The following ZNF536 variants were observed in gnomAD, a reference collection of about 807,000 sequenced individuals.
ZNF536 encodes the protein zinc finger protein 536.
ZNF536 carries 13 observed loss-of-function variants against 84.5 expected under a neutral mutation model. The ratio of observed to expected loss-of-function variants is 0.15; its 90% CI spans 0.10 to 0.24. The LOEUF (loss-of-function observed/expected upper bound fraction) is 0.24. ZNF536 is among the 10% of genes least tolerant of loss of function. The probability of loss-of-function intolerance (pLI) is 1.00; values close to 1 mark genes in which losing one functional copy is unlikely to be tolerated. For synonymous variants in ZNF536, 811 were observed against 742.5 expected (o/e 1.09, Z -1.50); for missense variants, 1,536 against 1,747.5 (o/e 0.88, Z 2.16).
At chr19:30,380,859 T>G (rs2048995459) in intron 1 of ZNF536, among the ~76,000 whole-genome samples, 1 of 152,154 alleles carries the variant, frequency 6.6e-6, no homozygotes. Flanking sequence ...TTATCTAAAT[T>G]TATATATTGT....
At chr19:30,352,178 TTAGCTTCTTG>T (rs1207310778) in intron 2 of ZNF536, among the ~76,000 whole-genome samples, 1 of 152,198 alleles carries the variant, frequency 6.6e-6, no homozygotes, top group Non-Finnish European at 1.5e-5. Flanking sequence ...TAGGCAGTAT[TTAGCTTCTTG>T]TCTACAGCAC....
chr19:30,574,340 A>G (rs745353740), intron 1 of ZNF536, among the ~76,000 whole-genome samples: 4 of 152,230 alleles, frequency 2.6e-5, no homozygotes, highest in African/African-American at 7.2e-5. Flanking sequence ...AAAAGAAGCC[A>G]GGATCCCAGG....
chr19:30,255,818 G>T (rs181572578), intron 1 of ZNF536, among the ~76,000 whole-genome samples: 3 of 152,348 alleles, frequency 2.0e-5, no homozygotes, highest in East Asian at 1.9e-4. Context: ...CGTCATGGGA[G>T]AATATGTGCG....
At chr19:30,422,958 C>T (rs868446381) in intron 1 of ZNF536, among the ~76,000 whole-genome samples, 19 of 136,598 alleles carry the variant, frequency 1.4e-4, no homozygotes, top group African/African-American at 3.0e-4. Context: ...ACTCTCCATC[C>T]GTTCAACCAT....
At chr19:30,254,897 TAA>T (rs1268763889) in intron 1 of ZNF536, among the ~76,000 whole-genome samples, 1 of 152,192 alleles carries the variant, frequency 6.6e-6, no homozygotes, top group South Asian at 2.1e-4. Context: ...GCACTGGACT[TAA>T]AAGTCTTTAA....
At chr19:30,528,118 C>A (rs1463672300) in intron 2 of ZNF536, among the ~76,000 whole-genome samples, 6 of 152,240 alleles carry the variant, frequency 3.9e-5, no homozygotes, top group Non-Finnish European at 5.9e-5. Flanking sequence ...GCATTTGATG[C>A]CATAAACGTA....
At chr19:30,688,030 AAAAG>A (rs1292956046) in intron 1 of ZNF536, among the ~76,000 whole-genome samples, 11 of 145,622 alleles carry the variant, frequency 7.6e-5, no homozygotes, top group African/African-American at 2.1e-4. Context: ...AAAAAAAAAA[AAAAG>A]GGCAGGCAGC....
intron 2 of ZNF536, among the ~76,000 whole-genome samples, chr19:30,309,168 C>T (rs533536974): frequency 5.3e-5 from 8 of 152,268 alleles, no homozygotes; most frequent in African/African-American, 1.9e-4. Context: ...GGTCGCCAAG[C>T]GAATGAAATG....
chr19:30,367,323 A>G (rs891664247), intron 3 of ZNF536, among the ~76,000 whole-genome samples: 1 of 152,212 alleles, frequency 6.6e-6, no homozygotes, highest in African/African-American at 2.4e-5. Context: ...TACTTCCTGA[A>G]TGAAGTGTCT....
At chr19:30,461,806 T>G (rs1653687251) in intron 2 of ZNF536, among the ~76,000 whole-genome samples, 1 of 152,094 alleles carries the variant, frequency 6.6e-6, no homozygotes, top group Admixed American at 6.5e-5. Flanking sequence ...CAGCTCCGTG[T>G]GGGGAGATGG....
intron 2 of ZNF536, among the ~76,000 whole-genome samples, chr19:30,324,983 C>T (rs1425778877): frequency 6.6e-6 from 1 of 152,178 alleles, no homozygotes; most frequent in Non-Finnish European, 1.5e-5. Context: ...GAAGAAAGCA[C>T]CCTCACCCAA....
chr19:30,535,137 T>A, intron 3 of ZNF536, 138 bp downstream of exon 3: 1 of 980,646 alleles, frequency 1.0e-6, no homozygotes, highest in Non-Finnish European at 1.5e-6. Context: ...TAGCCACCAT[T>A]GTATGGCTCA....
intron 1 of ZNF536, among the ~76,000 whole-genome samples, chr19:30,582,375 C>CTTTTTTTTTT (rs35509271): frequency 6.7e-5 from 6 of 89,172 alleles, no homozygotes; most frequent in Non-Finnish European, 1.1e-4. Context: ...CCTAGTTTCT[C>CTTTTTTTTTT]TTTTTTTTTT....
intron 2 of ZNF536, among the ~76,000 whole-genome samples, chr19:30,324,051 T>G (rs918962869): frequency 1.3e-4 from 19 of 151,562 alleles, no homozygotes; most frequent in Non-Finnish European, 2.2e-4. Flanking sequence ...CATCCATCTA[T>G]CCATGTATCT....
intron 1 of ZNF536, among the ~76,000 whole-genome samples, chr19:30,423,121 G>GCTTC (rs2051050144): frequency 4.0e-5 from 1 of 25,230 alleles, no homozygotes; most frequent in Non-Finnish European, 9.4e-5. Flanking sequence ...ATCCATCCAT[G>GCTTC]CATCCATCCA....
intron 1 of ZNF536, among the ~76,000 whole-genome samples, chr19:30,663,682 A>C (rs1219291239): frequency 3.3e-5 from 5 of 152,202 alleles, no homozygotes; most frequent in Admixed American, 3.3e-4. Flanking sequence ...AATTAACATG[A>C]CAGTTAAGAA....
chr19:30,583,793 G>T (rs57943660), intron 1 of ZNF536, among the ~76,000 whole-genome samples: 3,714 of 152,272 alleles, frequency 0.024, 165 homozygotes, highest in African/African-American at 0.085. Flanking sequence ...ATAACAGACA[G>T]ATGGATGAAT....
At chr19:30,662,935 C>CTCTT (rs141374759) in intron 1 of ZNF536, among the ~76,000 whole-genome samples, 1 of 138,494 alleles carries the variant, frequency 7.2e-6, no homozygotes, top group Non-Finnish European at 1.6e-5. Flanking sequence ...TTCTCTTTCT[C>CTCTT]TCTTTCTTTC....
At chr19:30,440,296 A>G (rs1020696046) in intron 1 of ZNF536, among the ~76,000 whole-genome samples, 2 of 151,456 alleles carry the variant, frequency 1.3e-5, no homozygotes, top group African/African-American at 4.9e-5. Context: ...CTGAACCTTC[A>G]GCTTCTCAGT....
Sources: allele counts gnomAD v4.1 joint callset (sites outside exome capture counted in the v4.1 genomes callset), GRCh38; gene constraint gnomAD v4.1.1; transcripts MANE v1.5; gene names NCBI Gene and HGNC (gene_info 2026-07-23, HGNC 2026-07-21).